Variants in HECW2 observed in about 807,000 individuals in gnomAD.
HECW2 encodes the protein HECT, C2 and WW domain containing E3 ubiquitin protein ligase 2.
HECW2 carries 61 observed loss-of-function variants against 175.2 expected under a neutral mutation model. The observed-to-expected ratio is 0.35, with a 90% CI of 0.28 to 0.43. The LOEUF (loss-of-function observed/expected upper bound fraction) is 0.43. HECW2 is among the 20% of genes least tolerant of loss of function. The pLI, the probability that HECW2 is intolerant of heterozygous loss-of-function variation, is 1.00. For missense variants in HECW2, 1,524 were observed against 2,000.5 expected, an observed-to-expected ratio of 0.76 and a Z score of 4.54; for synonymous variants, 671 against 731.0, an observed-to-expected ratio of 0.92 and a Z score of 1.32.
chr2:196,521,522 T>C (rs1688386000), intron 1 of HECW2, among the ~76,000 whole-genome samples: 1 of 151,784 alleles, frequency 6.6e-6, no homozygotes, highest in Non-Finnish European at 1.5e-5. Flanking sequence ...AGGGTACATG[T>C]GCACATTGTG....
intron 1 of HECW2, among the ~76,000 whole-genome samples, chr2:196,524,971 G>A (rs1454946544): frequency 2.1e-5 from 3 of 141,902 alleles, no homozygotes; most frequent in African/African-American, 5.9e-5. Context: ...GGGGTGGAGA[G>A]TTCTGTAGAT....
intron 17 of HECW2, among the ~76,000 whole-genome samples, chr2:196,268,532 T>A (rs928810899): frequency 4.6e-5 from 7 of 152,210 alleles, no homozygotes; most frequent in African/African-American, 1.7e-4. Flanking sequence ...TCTGTTAGGA[T>A]CTGTTAAGAT....
chr2:196,201,232 C>T lies in HECW2; in HGVS notation c.*45G>A. On this transcript the variant is annotated 3_prime_UTR_variant, in exon 29 of 29. Transcript: ENST00000644978. ...GTTCAATCATTCTTCTAGAAGGCAG[C>T]TTCTGAACCTGCCTGTCCACAGAGA... The T allele has an allele frequency of 8.2e-7, 1 of 1,217,944 alleles. No individual in the cohort carries two copies. The highest frequency in any genetic ancestry group is 1.2e-6 in the Non-Finnish European group (1 of 818,986). 75.4% of individuals were successfully genotyped at this position (1,217,944 alleles called of 1,614,324 possible). A position where few individuals can be genotyped will look rare whatever the true frequency, so the allele number is the denominator to read the frequency against.
chr2:196,239,396 T>C (rs1688367798), intron 21 of HECW2: 1 of 152,204 alleles, frequency 6.6e-6, no homozygotes, highest in Non-Finnish European at 1.5e-5. Context: ...GAGTACCAGA[T>C]GAAAGACAAA....
Position 196,591,353 on chromosome 2 carries a change from G to A in HECW2, c.-36+2155C>T, listed in dbSNP as rs528615876. 1.2e-4 allele frequency among the ~76,000 whole-genome samples: 19 copies of A among 152,296 alleles called. No individual in the cohort carries two copies. In the South Asian group the frequency reaches 3.9e-3, roughly 32 times the overall value. ...CTAAAGTCTTTCCAGCCAGAAGACGGTTTGAGTCCAAGGGGCCATTTATAT... is the reference window on the plus strand; with the variant it reads ...CTAAAGTCTTTCCAGCCAGAAGACGATTTGAGTCCAAGGGGCCATTTATAT... On this transcript the variant is annotated intron_variant, in intron 1 of 28. Transcript: ENST00000644978.
At chr2:196,566,051 C>T (rs12105823) in intron 1 of HECW2, among the ~76,000 whole-genome samples, 43,857 of 151,836 alleles carry the variant, frequency 0.29, 7,552 homozygotes, top group African/African-American at 0.49. Flanking sequence ...TTCTCACCGC[C>T]GCATCAAATC....
At chr2:196,225,720 G>T in intron 23 of HECW2, 52 bp downstream of exon 23, 3 of 1,158,574 alleles carry the variant, frequency 2.6e-6, no homozygotes, top group Non-Finnish European at 3.9e-6. Flanking sequence ...TTTCAAAAAA[G>T]TAAATACTGC....
Position 196,270,477 on chromosome 2 carries a change from T to TGG in HECW2, c.3335+715_3335+716insCC, listed in dbSNP as rs1332799545. 2.0e-5 allele frequency among the ~76,000 whole-genome samples: 3 copies of TGG among 152,226 alleles called. 1 individual carries two copies. The highest frequency in any genetic ancestry group is 4.4e-5 in the Non-Finnish European group (3 of 68,034). ...AATATCAGATTCCCTACTTAGGTTC[T>TGG]AATCTGTTTTTATTATGGAAAAATG... is the stretch of plus-strand genomic sequence containing the variant. On this transcript the variant is annotated intron_variant, in intron 17 of 28. Coordinates refer to ENST00000644978, the MANE Select transcript of HECW2 (RefSeq NM_001348768.2).
At chr2:196,489,247 T>A (rs1027207553) in intron 1 of HECW2, among the ~76,000 whole-genome samples, 1 of 152,244 alleles carries the variant, frequency 6.6e-6, no homozygotes, top group South Asian at 2.1e-4. Flanking sequence ...TTTGTTTTTA[T>A]GCTAGACTAG....
At chr2:196,273,918 G>A in intron 16 of HECW2, 103 bp downstream of exon 16, 2 of 777,972 alleles carry the variant, frequency 2.6e-6, no homozygotes, top group East Asian at 2.6e-5. Context: ...CTCAATATAG[G>A]GCAAAAAGTA....
At chr2:196,337,438 A>G (rs1692589348) in intron 3 of HECW2, among the ~76,000 whole-genome samples, 1 of 152,000 alleles carries the variant, frequency 6.6e-6, no homozygotes, top group East Asian at 1.9e-4. Flanking sequence ...CCTCCTGTTC[A>G]TAAGCAGGAG....
At chr2:196,305,945 C>G (rs137924896) in intron 13 of HECW2, among the ~76,000 whole-genome samples, 20 of 152,096 alleles carry the variant, frequency 1.3e-4, no homozygotes, top group Non-Finnish European at 2.1e-4. Flanking sequence ...CTCGGAGACT[C>G]GTGGAATAAT....
chr2:196,408,861 A>G (rs1695032598), intron 2 of HECW2, among the ~76,000 whole-genome samples: 1 of 152,214 alleles, frequency 6.6e-6, no homozygotes, highest in African/African-American at 2.4e-5. Flanking sequence ...TCCTTCTCTT[A>G]ATTCCATTAA....
Position 196,220,131 on chromosome 2 carries a change from G to T in HECW2, c.4316C>A (p.Ser1439Tyr). ...FYEVVDARLV[S>Y]VFDARELELV... ...TTCCAGTTCTCTTGCATCAAAAACA[G>T]ATACCAGCCTGGCATCCACCACCTG... Residue 1439 changes from serine (S) to tyrosine (Y), a missense_variant, in exon 26 of 29, where the codon TCT becomes TAT. This residue lies in a region of HECW2 where 134 missense variants were observed against 287.8 expected (regional missense o/e 0.47). Transcript: ENST00000644978. 2 of 1,612,990 alleles carry T rather than the reference G, an allele frequency of 1.2e-6. No individual in the cohort carries two copies. The highest frequency in any genetic ancestry group is 8.5e-7 in the Non-Finnish European group (1 of 1,179,450).
At position 196,194,976 on chromosome 2, in the gene HECW2, G is replaced by A. The variant is rs1353920857; in HGVS notation, c.*6301C>T. 6.6e-6 allele frequency: 1 copy of A among 152,148 alleles called. No individual in the cohort carries two copies. The highest frequency in any genetic ancestry group is 2.4e-5 in the African/African-American group (1 of 41,444). 9.4% of individuals were successfully genotyped at this position (152,148 alleles called of 1,614,324 possible). Reference sequence around the variant, plus strand: ...CTATAAAATTAGATTAATACTTTCAGTAAGAGGCGAGAGAGATGCATGTAT... The same window carrying A: ...CTATAAAATTAGATTAATACTTTCAATAAGAGGCGAGAGAGATGCATGTAT... On this transcript the variant is annotated 3_prime_UTR_variant, in exon 29 of 29. Transcript: ENST00000644978.
At chr2:196,263,834 C>T (rs1203178013) in intron 17 of HECW2, 3 of 152,132 alleles carry the variant, frequency 2.0e-5, no homozygotes, top group African/African-American at 7.2e-5. Context: ...TTAATATAAA[C>T]ATAATTATAG....
intron 1 of HECW2, among the ~76,000 whole-genome samples, chr2:196,500,977 T>A (rs906223287): frequency 6.6e-6 from 1 of 152,226 alleles, no homozygotes; most frequent in African/African-American, 2.4e-5. Flanking sequence ...TTTCCCGCTT[T>A]AAATCATTTC....
chr2:196,439,052 T>C (rs906713250), intron 1 of HECW2, among the ~76,000 whole-genome samples: 1 of 152,222 alleles, frequency 6.6e-6, no homozygotes, highest in Non-Finnish European at 1.5e-5. Context: ...AGTCAGTACA[T>C]AAATCAGTAG....
chr2:196,219,954 C>T, intron 26 of HECW2, 85 bp downstream of exon 26: 1 of 845,120 alleles, frequency 1.2e-6, no homozygotes, highest in Admixed American at 1.9e-5. Flanking sequence ...GTGCTGTTGC[C>T]TGTCCTATAT....
Sources: gnomAD v4.1 joint callset for allele counts (sites outside exome capture counted in the v4.1 genomes callset) on GRCh38, gnomAD v4.1.1 for gene constraint, gnomAD v4.1.1 regional missense constraint, MANE v1.5 for transcripts, NCBI Gene and HGNC (gene_info 2026-07-23, HGNC 2026-07-21) for gene names.